NR2C1: variants seen among roughly 807,000 people sequenced by gnomAD.
NR2C1 encodes nuclear receptor subfamily 2 group C member 1.
Under a neutral mutation model 74.8 loss-of-function variants are expected in NR2C1, and 33 were observed. The observed-to-expected ratio is 0.44, with a 90% confidence interval of 0.33 to 0.59. The LOEUF is 0.59. Ranked by LOEUF, NR2C1 falls within the 20% of genes least tolerant of loss-of-function variation. NR2C1 has a pLI of 0.02. For synonymous variants in NR2C1, 225 were observed against 240.6 expected (o/e 0.94, Z 0.60); for missense variants, 568 against 715.6 (o/e 0.79, Z 2.35).
intron 9 of NR2C1, among the ~76,000 whole-genome samples, chr12:95,047,089 C>G (rs984197794): frequency 2.0e-5 from 3 of 152,122 alleles, no homozygotes; most frequent in Non-Finnish European, 2.9e-5. Context: ...GTAAACTACC[C>G]CTACTTTCTA....
At chr12:95,049,265 A>T in intron 8 of NR2C1, 32 bp from the exon 9 acceptor site, 1 of 1,581,950 alleles carries the variant, frequency 6.3e-7, no homozygotes, top group Non-Finnish European at 8.6e-7. Flanking sequence ...TATGAGCTTG[A>T]CCAAACACCG....
At chr12:95,066,178 CTTTA>C (rs1875665727) in intron 2 of NR2C1, among the ~76,000 whole-genome samples, 1 of 152,216 alleles carries the variant, frequency 6.6e-6, no homozygotes, top group South Asian at 2.1e-4. Flanking sequence ...ATATCTGTTT[CTTTA>C]TTTAATCTGT....
chr12:95,025,519 A>G (rs2136090136), intron 12 of NR2C1, among the ~76,000 whole-genome samples: 1 of 151,982 alleles, frequency 6.6e-6, no homozygotes, highest in East Asian at 1.9e-4. Flanking sequence ...TTAGCCAGGC[A>G]TGGTGGCGCA....
At chr12:95,031,966 A>G (rs529834211) in intron 10 of NR2C1, among the ~76,000 whole-genome samples, 4 of 152,124 alleles carry the variant, frequency 2.6e-5, no homozygotes, top group Non-Finnish European at 5.9e-5. Flanking sequence ...CTCCTGGGTT[A>G]AAGCTATTCT....
At chr12:95,044,691 C>T (rs892816308) in intron 9 of NR2C1, among the ~76,000 whole-genome samples, 2 of 152,006 alleles carry the variant, frequency 1.3e-5, no homozygotes, top group African/African-American at 4.8e-5. Flanking sequence ...TTAGCATGGG[C>T]AACATGATGA....
chr12:95,059,753 T>C (rs1203801520), intron 4 of NR2C1, among the ~76,000 whole-genome samples, 153 bp downstream of exon 4: 1 of 152,116 alleles, frequency 6.6e-6, no homozygotes, highest in Non-Finnish European at 1.5e-5. Context: ...TGTTATAGGC[T>C]ACAAATATGA....
rs1033586763 is a variant in NR2C1, at chr12:95,062,683, T to C, written c.110A>G (p.His37Arg). The change falls in exon 3 of 14, where the codon CAT becomes CGT. Residue 37 changes from histidine (H) to arginine (R), a missense_variant. Physicochemically the swap from His to Arg is conservative, Grantham distance 29. Around this residue, in one of 6 missense-constraint regions of NR2C1, gnomAD observed 128 missense variants for 118.9 expected, o/e 1.08. Coordinates refer to ENST00000333003, the MANE Select transcript of NR2C1 (RefSeq NM_003297.4). Reference protein sequence around the residue: ...QKIQIVTALDHNTQGKQFILT... With the variant: ...QKIQIVTALDRNTQGKQFILT... ...AATGAACTGCTTGCCTTGGGTATTA[T>C]GATCAAGTGCTGTCACAATCTGGAT... is the stretch of plus-strand genomic sequence containing the variant. The C allele has an allele frequency of 9.9e-6, 16 of 1,614,104 alleles. No homozygotes were observed. Among genetic ancestry groups the C allele is most frequent in the African/African-American group, 5.3e-5 (4 of 74,946 alleles).
intron 13 of NR2C1, 146 bp from the exon 14 acceptor site, chr12:95,022,549 A>G: frequency 1.4e-6 from 1 of 706,720 alleles, no homozygotes; most frequent in South Asian, 1.8e-5. Flanking sequence ...AGTATTCTCA[A>G]GCCTTAGAAC....
intron 9 of NR2C1, among the ~76,000 whole-genome samples, chr12:95,041,452 A>C (rs1201594355): frequency 2.0e-5 from 3 of 152,166 alleles, no homozygotes; most frequent in Non-Finnish European, 4.4e-5. Flanking sequence ...ACTGCACTCC[A>C]GCCTGGGCAA....
At chr12:95,057,454 A>G in intron 7 of NR2C1, 99 bp downstream of exon 7, 5 of 829,324 alleles carry the variant, frequency 6.0e-6, no homozygotes, top group South Asian at 2.1e-5. Flanking sequence ...GTAATATGGA[A>G]TATTTAAGAA....
At position 95,028,073 on chromosome 12, in the gene NR2C1, A is replaced by G. The variant is rs148999314; in HGVS notation, c.1531+314T>C. The stretch of plus-strand genomic sequence containing the variant: ...GGCTGAATGATATTCCATCATATGT[A>G]TATATTAAATTTATTTCTTCATCTG... On this transcript the variant is annotated intron_variant, in intron 12 of 13. Coordinates refer to ENST00000333003, the MANE Select transcript of NR2C1 (RefSeq NM_003297.4). 6.0e-3 allele frequency: 1,145 copies of G among 191,906 alleles called. 13 individuals carry two copies. Among genetic ancestry groups the G allele is most frequent in the African/African-American group, 0.024 (999 of 42,284 alleles). 11.9% of individuals were successfully genotyped at this position (191,906 alleles called of 1,614,324 possible).
chr12:95,073,213 A>G (rs1877009341), intron 1 of NR2C1, among the ~76,000 whole-genome samples, 167 bp downstream of exon 1: 1 of 152,166 alleles, frequency 6.6e-6, no homozygotes, highest in African/African-American at 2.4e-5. Context: ...CTCCCAGCCG[A>G]AGTCGAGCAG....
In NR2C1 at chr12:95,022,087, G is replaced by A; in HGVS notation, c.*142C>T. On this transcript the variant is annotated 3_prime_UTR_variant, in exon 14 of 14. Coordinates refer to ENST00000333003, the MANE Select transcript of NR2C1 (RefSeq NM_003297.4). ...GCCCAGTCACTTCAAAAATTCTTAAGGGAAGCTAAAATAAAAATACCTTGG... is the reference window on the plus strand; with the variant it reads ...GCCCAGTCACTTCAAAAATTCTTAAAGGAAGCTAAAATAAAAATACCTTGG... 1.7e-6 allele frequency: 1 copy of A among 583,322 alleles called. No individual in the cohort carries two copies. Among genetic ancestry groups the A allele is most frequent in the Non-Finnish European group, 2.7e-6 (1 of 363,740 alleles). The allele number at this position is 583,322 out of a possible 1,614,324, so 36.1% of individuals were successfully genotyped here. A position where few individuals can be genotyped will look rare whatever the true frequency, so the allele number is the denominator to read the frequency against.
chr12:95,022,762 G>C (rs911199379), intron 13 of NR2C1, among the ~76,000 whole-genome samples: 1 of 150,716 alleles, frequency 6.6e-6, no homozygotes, highest in African/African-American at 2.5e-5. Context: ...GCAGTGGTGT[G>C]AGCTCACTGC....
Position 95,020,659 on chromosome 12 carries a change from C to G in NR2C1, c.*1570G>C, listed in dbSNP as rs559076674. 6.6e-6 allele frequency: 1 copy of G among 152,098 alleles called. No individual in the cohort carries two copies. The highest frequency in any genetic ancestry group is 2.4e-5 in the African/African-American group (1 of 41,408). 9.4% of individuals were successfully genotyped at this position (152,098 alleles called of 1,614,324 possible). On this transcript the variant is annotated 3_prime_UTR_variant, in exon 14 of 14. Transcript: ENST00000333003. ...CAAAAACTTCACTTTTCTTCTATTG[C>G]AAAAATCTTTACAAAAAATGTACTC... is the stretch of plus-strand genomic sequence containing the variant.
At chr12:95,072,472 A>AAAG (rs1555214177) in intron 1 of NR2C1, among the ~76,000 whole-genome samples, 7 of 147,424 alleles carry the variant, frequency 4.7e-5, no homozygotes, top group Admixed American at 6.6e-5. Flanking sequence ...AAAAAAAAAA[A>AAAG]AAGAAAAAAA....
At chr12:95,048,789 T>C (rs1241528764) in intron 9 of NR2C1, among the ~76,000 whole-genome samples, 1 of 152,008 alleles carries the variant, frequency 6.6e-6, no homozygotes, top group Non-Finnish European at 1.5e-5. Context: ...CACACCTGGC[T>C]GATTTTGTAT....
intron 10 of NR2C1, among the ~76,000 whole-genome samples, chr12:95,038,880 T>C (rs937302094): frequency 1.4e-4 from 21 of 152,098 alleles, no homozygotes; most frequent in Non-Finnish European, 2.6e-4. Context: ...GAAAAAAGAC[T>C]CTAACCCAAC....
At chr12:95,054,218 T>A (rs1873494946) in intron 7 of NR2C1, among the ~76,000 whole-genome samples, 1 of 152,066 alleles carries the variant, frequency 6.6e-6, no homozygotes. Flanking sequence ...AACTCTGAAA[T>A]AGAAATCATC....
Sources: allele counts gnomAD v4.1 joint callset (sites outside exome capture counted in the v4.1 genomes callset), GRCh38; gene constraint gnomAD v4.1.1; regional missense constraint gnomAD v4.1.1; transcripts MANE v1.5; gene names NCBI Gene and HGNC (gene_info 2026-07-23, HGNC 2026-07-21).